HMGXB3: variants seen among roughly 807,000 people sequenced by gnomAD.
HMGXB3 encodes HMG-box containing 3.
HMGXB3 carries 45 observed loss-of-function variants against 121.5 expected under a neutral mutation model. The ratio of observed to expected loss-of-function variants is 0.37; its 90% confidence interval spans 0.29 to 0.47. The LOEUF (loss-of-function observed/expected upper bound fraction) is 0.47, where lower values mean the gene tolerates loss of function less well. Ranked by LOEUF, HMGXB3 falls within the 20% of genes least tolerant of loss-of-function variation. The probability of loss-of-function intolerance (pLI) is 0.99; values close to 1 mark genes in which losing one functional copy is unlikely to be tolerated. For missense variants in HMGXB3, 1,376 were observed against 1,602.2 expected (o/e 0.86, Z 2.41); for synonymous variants, 590 against 624.1 (o/e 0.95, Z 0.81).
At chr5:150,002,515 A>G (rs1581243031) in intron 1 of HMGXB3, among the ~76,000 whole-genome samples, 1 of 152,170 alleles carries the variant, frequency 6.6e-6, no homozygotes. Context: ...TACCACCACA[A>G]CTGCCTCTTC....
intron 18 of HMGXB3, among the ~76,000 whole-genome samples, chr5:150,049,158 C>G (rs1175976921): frequency 2.0e-5 from 3 of 152,158 alleles, no homozygotes; most frequent in Non-Finnish European, 4.4e-5. Context: ...AAGGGACCAC[C>G]AAGGCCGTGA....
intron 4 of HMGXB3, among the ~76,000 whole-genome samples, chr5:150,011,715 C>G (rs1755845635): frequency 6.6e-6 from 1 of 151,568 alleles, no homozygotes; most frequent in Non-Finnish European, 1.5e-5. Context: ...AGAGATTCTC[C>G]TGCCTCAGCC....
chr5:150,033,598 G>A (rs10476748), intron 11 of HMGXB3, among the ~76,000 whole-genome samples: 4 of 152,116 alleles, frequency 2.6e-5, no homozygotes, highest in Non-Finnish European at 2.9e-5. Context: ...AAAATAAGAC[G>A]TGAAAAGCAT....
chr5:150,015,046 G>A, intron 5 of HMGXB3: 1 of 468,532 alleles, frequency 2.1e-6, no homozygotes, highest in Non-Finnish European at 3.7e-6. Flanking sequence ...TAAATGTTGT[G>A]GTCATTAAAG....
intron 17 of HMGXB3, among the ~76,000 whole-genome samples, chr5:150,048,032 T>C (rs1437502085): frequency 6.6e-6 from 1 of 152,252 alleles, no homozygotes; most frequent in Non-Finnish European, 1.5e-5. Flanking sequence ...ATAAGCTGCT[T>C]TATATTTTGA....
chr5:150,002,422 C>G (rs1755594299), intron 1 of HMGXB3, among the ~76,000 whole-genome samples: 2 of 152,150 alleles, frequency 1.3e-5, no homozygotes, highest in South Asian at 2.1e-4. Context: ...ACTCCACATG[C>G]AGTGCTCATT....
chr5:150,036,595 T>C, intron 11 of HMGXB3, 41 bp from the exon 12 acceptor site: 1 of 1,475,802 alleles, frequency 6.8e-7, no homozygotes, highest in Non-Finnish European at 9.0e-7. Flanking sequence ...GCTGGCTCTT[T>C]CTGCTCTGAG....
chr5:150,031,629 T>C (rs1396817505), intron 10 of HMGXB3, among the ~76,000 whole-genome samples: 1 of 152,268 alleles, frequency 6.6e-6, no homozygotes, highest in Non-Finnish European at 1.5e-5. Flanking sequence ...TTTTGGCAGT[T>C]TCTCTAGCTG....
Position 150,051,726 on chromosome 5 carries a change from G to C in HMGXB3, c.3413G>C (p.Ser1138Thr), listed in dbSNP as rs1307511642. Residue 1138 changes from serine to threonine, a missense_variant and splice_region_variant, in exon 20 of 20, where the codon AGT becomes ACT. This residue lies in a region of HMGXB3 where 260 missense variants were observed against 233.2 expected (regional missense o/e 1.11). Coordinates refer to ENST00000502717, the MANE Select transcript of HMGXB3 (RefSeq NM_014983.3). Reference protein sequence around the residue: ...CFSSPTEPPVSVSCPELLDQH... With the variant: ...CFSSPTEPPVTVSCPELLDQH... ...AATGCATTCTCATTTCTCTTCTAGAGTGTGTCCTGCCCAGAGCTCTTGGAC... is the reference window on the plus strand; with the variant it reads ...AATGCATTCTCATTTCTCTTCTAGACTGTGTCCTGCCCAGAGCTCTTGGAC... 3 of 1,518,544 alleles carry C rather than the reference G, an allele frequency of 2.0e-6. No individual in the cohort carries two copies. Among genetic ancestry groups the C allele is most frequent in the South Asian group, 2.4e-5 (2 of 82,650 alleles). The allele number at this position is 1,518,544 out of a possible 1,614,324, so 94.1% of individuals were successfully genotyped here. A position where few individuals can be genotyped will look rare whatever the true frequency, so the allele number is the denominator to read the frequency against.
chr5:150,029,447 A>G (rs1272078056), intron 9 of HMGXB3, among the ~76,000 whole-genome samples: 2 of 152,150 alleles, frequency 1.3e-5, no homozygotes, highest in Admixed American at 6.5e-5. Context: ...TGAGCTATAA[A>G]AGGATCTCTC....
At position 150,052,201 on chromosome 5, in the gene HMGXB3, G is replaced by A. The variant is rs968981560; in HGVS notation, c.*9G>A. On this transcript the variant is annotated 3_prime_UTR_variant, in exon 20 of 20. Transcript: ENST00000502717. ...CCGCAGTGGCAGAATAAGCCAGGCT[G>A]TTGTACAGGGACTACACCATCTCTC... is the stretch of plus-strand genomic sequence containing the variant. 1.3e-6 allele frequency: 2 copies of A among 1,527,334 alleles called. No individual in the cohort carries two copies. The highest frequency in any genetic ancestry group is 1.9e-4 in the Middle Eastern group (1 of 5,322). 94.6% of individuals were successfully genotyped at this position (1,527,334 alleles called of 1,614,324 possible).
chr5:150,026,667 G>A, intron 7 of HMGXB3, 39 bp from the exon 8 acceptor site: 1 of 1,526,274 alleles, frequency 6.6e-7, no homozygotes, highest in Non-Finnish European at 8.8e-7. Context: ...TCTTCCCTTT[G>A]TTCCAGAATT....
At chr5:150,007,783 G>C (rs1755733965) in intron 3 of HMGXB3, among the ~76,000 whole-genome samples, 1 of 152,142 alleles carries the variant, frequency 6.6e-6, no homozygotes, top group Non-Finnish European at 1.5e-5. Flanking sequence ...GGCTGGGTGT[G>C]GTAGCTCATG....
chr5:150,016,809 CCTT>C (rs1321674982), intron 5 of HMGXB3, among the ~76,000 whole-genome samples: 14 of 152,054 alleles, frequency 9.2e-5, no homozygotes, highest in African/African-American at 2.4e-4. Flanking sequence ...TTTTGTTCTG[CCTT>C]CTTCTGATAT....
rs1756097339 is a variant in HMGXB3, at chr5:150,021,687, G to C, written c.1042-2575G>C. On this transcript the variant is annotated intron_variant, in intron 6 of 19. Transcript: ENST00000502717. The stretch of plus-strand genomic sequence containing the variant: ...TTAGTTGCTTGTGGATTCTCCTATG[G>C]AAACATTCCTATGTCTTAGAACCTT... 1.2e-5 allele frequency: 6 copies of C among 516,300 alleles called. 1 individual carries two copies. The highest frequency in any genetic ancestry group is 8.7e-5 in the South Asian group (6 of 69,342). 32.0% of individuals were successfully genotyped at this position (516,300 alleles called of 1,614,324 possible).
chr5:150,011,079 A>G (rs1043032907), intron 4 of HMGXB3, among the ~76,000 whole-genome samples: 4 of 152,304 alleles, frequency 2.6e-5, no homozygotes, highest in East Asian at 1.9e-4. Context: ...AGGCTTGTCC[A>G]TCACACTGGC....
intron 11 of HMGXB3, among the ~76,000 whole-genome samples, chr5:150,036,314 G>A (rs1756500774): frequency 6.6e-6 from 1 of 152,066 alleles, no homozygotes; most frequent in African/African-American, 2.4e-5. Flanking sequence ...CATACTGCTT[G>A]AGCATCCCTA....
In HMGXB3 at chr5:150,010,442, TCCTAGAGGACGCTTC is replaced by T. The variant is rs1470337433; in HGVS notation, c.651_665del (p.Asp218_Glu222del). The T allele has an allele frequency of 3.3e-5, 51 of 1,551,452 alleles. No homozygotes were observed. Among genetic ancestry groups the T allele is most frequent in the Non-Finnish European group, 4.4e-5 (51 of 1,146,972 alleles). ...TCAGAGATCCTCAGCCAGGATGTGC[TCCTAGAGGACGCTTC>T]CCTAGAAGTAGGGGAGAGCCACCAA... On this transcript the variant is annotated inframe_deletion, in exon 4 of 20. Transcript: ENST00000502717.
intron 16 of HMGXB3, among the ~76,000 whole-genome samples, chr5:150,045,955 T>A (rs190146647): frequency 6.6e-6 from 1 of 152,284 alleles, no homozygotes; most frequent in Admixed American, 6.5e-5. Flanking sequence ...GCAGAACTCC[T>A]ATAAAAAATG....
Sources: allele counts gnomAD v4.1 joint callset (sites outside exome capture counted in the v4.1 genomes callset), GRCh38; gene constraint gnomAD v4.1.1; regional missense constraint gnomAD v4.1.1; transcripts MANE v1.5; gene names NCBI Gene and HGNC (gene_info 2026-07-23, HGNC 2026-07-21).